Variants in GALNT17 observed in about 807,000 individuals in gnomAD.
GALNT17 encodes the protein UDP-GalNAc:polypeptide N-acetylgalactosaminyltransferase-like 3.
A neutral mutation model predicts 63.7 loss-of-function variants in GALNT17; 29 were observed. The observed-to-expected ratio is 0.46, with a 90% CI of 0.34 to 0.62. The LOEUF is 0.62. Ranked by LOEUF, GALNT17 falls within the 20% of genes least tolerant of loss-of-function variation. The pLI is 0.01. For missense variants in GALNT17, 603 were observed against 799.6 expected, an observed-to-expected ratio of 0.75 and a Z score of 2.97; for synonymous variants, 305 against 318.3, an observed-to-expected ratio of 0.96 and a Z score of 0.45.
intron 5 of GALNT17, among the ~76,000 whole-genome samples, chr7:71,524,950 A>G (rs1198428939): frequency 1.3e-5 from 2 of 152,108 alleles, no homozygotes; most frequent in African/African-American, 4.8e-5. Context: ...CTCCAGTCCT[A>G]GTTTACATCT....
At chr7:71,604,665 A>G (rs1021199149) in intron 6 of GALNT17, among the ~76,000 whole-genome samples, 5 of 152,146 alleles carry the variant, frequency 3.3e-5, no homozygotes, top group African/African-American at 4.8e-5. Context: ...CTTTAATACA[A>G]TGCTTCCCTG....
intron 5 of GALNT17, among the ~76,000 whole-genome samples, chr7:71,430,404 C>T (rs1263908302): frequency 1.3e-5 from 2 of 152,140 alleles, no homozygotes; most frequent in Admixed American, 6.6e-5. Context: ...ACACTTCTCT[C>T]CAGCTGCAAA....
intron 2 of GALNT17, among the ~76,000 whole-genome samples, chr7:71,360,444 C>T (rs1016994767): frequency 5.3e-5 from 8 of 152,044 alleles, no homozygotes; most frequent in African/African-American, 1.5e-4. Context: ...TTCCAAGTTC[C>T]TGGGACTATG....
intron 6 of GALNT17, among the ~76,000 whole-genome samples, chr7:71,587,618 C>A (rs1789738973): frequency 6.6e-6 from 1 of 152,002 alleles, no homozygotes; most frequent in Admixed American, 6.6e-5. Flanking sequence ...ATGGTTCTAT[C>A]TTTCACACTT....
At chr7:71,661,780 T>C (rs1387568541) in intron 6 of GALNT17, among the ~76,000 whole-genome samples, 1 of 152,126 alleles carries the variant, frequency 6.6e-6, no homozygotes, top group Non-Finnish European at 1.5e-5. Context: ...CCCCAGACTC[T>C]ACAGGGAGAG....
intron 2 of GALNT17, among the ~76,000 whole-genome samples, chr7:71,341,586 G>T (rs1395309507): frequency 1.3e-5 from 2 of 152,208 alleles, no homozygotes; most frequent in Non-Finnish European, 2.9e-5. Context: ...GTTGGCATTA[G>T]ATTCCTCTGT....
chr7:71,522,032 A>G (rs1584022932), intron 5 of GALNT17, among the ~76,000 whole-genome samples: 1 of 152,300 alleles, frequency 6.6e-6, no homozygotes, highest in Non-Finnish European at 1.5e-5. Flanking sequence ...TGCCAAGGTC[A>G]TTGAGCTAAT....
intron 1 of GALNT17, among the ~76,000 whole-genome samples, chr7:71,288,523 G>T (rs1015508403): frequency 4.6e-5 from 7 of 152,118 alleles, no homozygotes; most frequent in African/African-American, 1.7e-4. Flanking sequence ...GGATCCTTGT[G>T]GAAATTAAGT....
At chr7:71,543,222 A>G (rs1788923422) in intron 5 of GALNT17, among the ~76,000 whole-genome samples, 1 of 152,166 alleles carries the variant, frequency 6.6e-6, no homozygotes, top group South Asian at 2.1e-4. Context: ...TTTTCCCTAA[A>G]ATATGTAGGA....
intron 1 of GALNT17, among the ~76,000 whole-genome samples, chr7:71,235,693 C>T (rs1789875319): frequency 6.6e-6 from 1 of 152,180 alleles, no homozygotes. Flanking sequence ...ATGGGTCTTG[C>T]ACCAAACGAA....
intron 1 of GALNT17, among the ~76,000 whole-genome samples, chr7:71,226,171 G>C (rs1157797492): frequency 6.6e-6 from 1 of 152,124 alleles, no homozygotes; most frequent in Non-Finnish European, 1.5e-5. Context: ...CTGACACCAG[G>C]GTCCTTCTTT....
At chr7:71,585,432 A>G in intron 6 of GALNT17, among the ~76,000 whole-genome samples, 1 of 152,212 alleles carries the variant, frequency 6.6e-6, no homozygotes, top group East Asian at 1.9e-4. Flanking sequence ...ATAAGCTGTA[A>G]TTCTTCCATT....
At chr7:71,634,383 A>G (rs974423675) in intron 6 of GALNT17, among the ~76,000 whole-genome samples, 1 of 152,204 alleles carries the variant, frequency 6.6e-6, no homozygotes, top group African/African-American at 2.4e-5. Flanking sequence ...AAGTCCTGGG[A>G]ACTTGTGCCC....
rs575556570 is a variant in GALNT17, at chr7:71,289,424, C to T, written c.239-46126C>T. ...CTTTTTCAAGATTTTATGTTTTTCT[C>T]GTGATAAAGTTCACATAACATCAGA... On this transcript the variant is annotated intron_variant, in intron 1 of 10. Transcript: ENST00000333538. 3.9e-5 allele frequency among the ~76,000 whole-genome samples: 6 copies of T among 152,020 alleles called. No individual in the cohort carries two copies. In the East Asian group the frequency reaches 5.8e-4, roughly 15 times the overall value.
intron 6 of GALNT17, among the ~76,000 whole-genome samples, chr7:71,623,592 AT>A (rs1790327090): frequency 6.6e-6 from 1 of 151,200 alleles, no homozygotes; most frequent in African/African-American, 2.4e-5. Context: ...TATTTTTTGT[AT>A]TTTTAACCTT....
chr7:71,311,163 T>A (rs150481811), intron 1 of GALNT17, among the ~76,000 whole-genome samples: 2,107 of 152,320 alleles, frequency 0.014, 21 homozygotes, highest in Non-Finnish European at 0.02. Flanking sequence ...GAGCCTGGGC[T>A]TGCTATTTGA....
At chr7:71,324,541 C>G (rs1791670921) in intron 1 of GALNT17, among the ~76,000 whole-genome samples, 1 of 152,058 alleles carries the variant, frequency 6.6e-6, no homozygotes, top group Non-Finnish European at 1.5e-5. Context: ...GCCTGTAATC[C>G]CAGCTACTTG....
intron 2 of GALNT17, among the ~76,000 whole-genome samples, chr7:71,374,042 CA>C (rs1231516228): frequency 2.6e-5 from 4 of 152,000 alleles, no homozygotes; most frequent in Non-Finnish European, 4.4e-5. Flanking sequence ...GAAATATTTA[CA>C]AAGGTAACAT....
chr7:71,503,719 G>A (rs1377335381), intron 5 of GALNT17, among the ~76,000 whole-genome samples: 1 of 152,208 alleles, frequency 6.6e-6, no homozygotes, highest in Non-Finnish European at 1.5e-5. Context: ...ATTCTACCCA[G>A]TGTTTTAGTG....
Sources: gnomAD v4.1 joint callset for allele counts (sites outside exome capture counted in the v4.1 genomes callset) on GRCh38, gnomAD v4.1.1 for gene constraint, MANE v1.5 for transcripts, NCBI Gene and HGNC (gene_info 2026-07-23, HGNC 2026-07-21) for gene names.